The following CLVS1 variants were observed in gnomAD, a reference collection of about 807,000 sequenced individuals.
CLVS1 encodes the protein clavesin 1, also known as clavesin-1.
CLVS1 carries 10 observed loss-of-function variants against 33.1 expected under a neutral mutation model. The ratio of observed to expected loss-of-function variants is 0.30; its 90% CI spans 0.19 to 0.51. CLVS1 has a LOEUF of 0.51. Ranked by LOEUF, CLVS1 falls within the 20% of genes least tolerant of loss-of-function variation. The pLI, the probability that CLVS1 is intolerant of heterozygous loss-of-function variation, is 0.97. For synonymous variants in CLVS1, 163 were observed against 166.1 expected (o/e 0.98, Z 0.14); for missense variants, 343 against 433.4 (o/e 0.79, Z 1.85).
At position 61,434,514 on chromosome 8, in the gene CLVS1, TA is replaced by T. The variant is rs1816240910; in HGVS notation, c.631-19626del. 2.0e-5 allele frequency among the ~76,000 whole-genome samples: 3 copies of T among 152,256 alleles called. No homozygotes were observed. In the South Asian group the frequency reaches 6.2e-4, roughly 32 times the overall value. On this transcript the variant is annotated intron_variant, in intron 3 of 5. Coordinates refer to ENST00000325897, the MANE Select transcript of CLVS1 (RefSeq NM_173519.3). ...GGTTGGGGTATAGCTTAGTTTTATATATTTTAGGGAGGAGGCATGAGACATC... is the reference window on the plus strand; with the variant it reads ...GGTTGGGGTATAGCTTAGTTTTATATTTTTAGGGAGGAGGCATGAGACATC...
intron 2 of CLVS1, among the ~76,000 whole-genome samples, chr8:61,333,016 G>C (rs1811658823): frequency 6.6e-6 from 1 of 152,118 alleles, no homozygotes; most frequent in Non-Finnish European, 1.5e-5. Context: ...CATATGTTTT[G>C]TTTCCATTTT....
chr8:60,965,041 C>CT, the CLVS1 span, among the ~76,000 whole-genome samples: 4 of 151,154 alleles, frequency 2.6e-5, no homozygotes, highest in East Asian at 1.9e-4. Flanking sequence ...TTTTCTTTTT[C>CT]TTTTTTTTTG....
At chr8:61,269,028 C>A (rs1451396968) in intron 2 of CLVS1, among the ~76,000 whole-genome samples, 1 of 144,340 alleles carries the variant, frequency 6.9e-6, no homozygotes, top group Non-Finnish European at 1.5e-5. Context: ...TTAATTAGAT[C>A]CCATTTGTCA....
At chr8:61,179,020 C>T (rs1341543482) in intron 2 of CLVS1, among the ~76,000 whole-genome samples, 1 of 152,092 alleles carries the variant, frequency 6.6e-6, no homozygotes, top group Non-Finnish European at 1.5e-5. Flanking sequence ...TGTAAATAGG[C>T]TAAATGCTCC....
intron 5 of CLVS1, among the ~76,000 whole-genome samples, chr8:61,482,012 G>C (rs914400812): frequency 4.6e-5 from 7 of 152,182 alleles, no homozygotes; most frequent in African/African-American, 1.7e-4. Context: ...CCAGAGGAAG[G>C]ATCAGGCAGC....
the CLVS1 span, among the ~76,000 whole-genome samples, chr8:61,005,136 A>G: frequency 6.6e-6 from 1 of 152,218 alleles, no homozygotes; most frequent in African/African-American, 2.4e-5. Flanking sequence ...ACTGACTCCC[A>G]GTGACAACAG....
intron 2 of CLVS1, among the ~76,000 whole-genome samples, chr8:61,186,902 C>T (rs2129301834): frequency 6.6e-6 from 1 of 152,260 alleles, no homozygotes; most frequent in South Asian, 2.1e-4. Flanking sequence ...AGCACCTTCC[C>T]TGAGAGATTT....
intron 2 of CLVS1, among the ~76,000 whole-genome samples, chr8:61,224,365 G>C (rs1207609266): frequency 3.3e-5 from 5 of 152,094 alleles, no homozygotes; most frequent in Admixed American, 3.3e-4. Context: ...AGGGCCTTTT[G>C]TTGTTGTTGA....
chr8:61,072,936 A>G (rs953272354), intron 1 of CLVS1, among the ~76,000 whole-genome samples: 16 of 152,224 alleles, frequency 1.1e-4, no homozygotes, highest in East Asian at 1.9e-4. Context: ...ATTGAAATCT[A>G]TAATCTTTTT....
chr8:61,149,600 G>C (rs970890279), intron 2 of CLVS1, among the ~76,000 whole-genome samples: 1 of 123,958 alleles, frequency 8.1e-6, no homozygotes, highest in Non-Finnish European at 1.7e-5. Context: ...AAAGAAAAAA[G>C]ACAACAGAAA....
At chr8:61,074,596 A>G (rs1038443574) in intron 1 of CLVS1, among the ~76,000 whole-genome samples, 1 of 151,788 alleles carries the variant, frequency 6.6e-6, no homozygotes, top group Admixed American at 6.6e-5. Context: ...TTGCTTTTGT[A>G]GATGAGTAAG....
intron 2 of CLVS1, among the ~76,000 whole-genome samples, chr8:61,160,600 A>C (rs1806733233): frequency 6.8e-6 from 1 of 147,904 alleles, no homozygotes; most frequent in Non-Finnish European, 1.5e-5. Flanking sequence ...AAATTTCTAA[A>C]TTACCTCTTC....
At chr8:61,311,105 A>G (rs1009165303) in intron 2 of CLVS1, among the ~76,000 whole-genome samples, 4 of 152,182 alleles carry the variant, frequency 2.6e-5, no homozygotes, top group South Asian at 2.1e-4. Flanking sequence ...AGAGCCTAAA[A>G]TGCTCAAGAT....
At chr8:61,357,808 T>G (rs1195079704) in intron 2 of CLVS1, among the ~76,000 whole-genome samples, 1 of 152,112 alleles carries the variant, frequency 6.6e-6, no homozygotes, top group African/African-American at 2.4e-5. Context: ...CCACCATCCC[T>G]GGCTTCCCAA....
chr8:61,435,736 G>A (rs988469188), intron 3 of CLVS1, among the ~76,000 whole-genome samples: 2 of 151,878 alleles, frequency 1.3e-5, no homozygotes, highest in Non-Finnish European at 2.9e-5. Context: ...GAGGACTACT[G>A]TCTTGTACAG....
chr8:61,325,396 T>C (rs1386317187), intron 2 of CLVS1, among the ~76,000 whole-genome samples: 1 of 152,184 alleles, frequency 6.6e-6, no homozygotes, highest in Non-Finnish European at 1.5e-5. Context: ...TGAGTAGTGT[T>C]CTATAGAACA....
chr8:61,409,270 G>A (rs898726171), intron 3 of CLVS1, among the ~76,000 whole-genome samples: 11 of 152,168 alleles, frequency 7.2e-5, no homozygotes, highest in African/African-American at 2.6e-4. Context: ...TTTTCCACAA[G>A]GGTAACTTTT....
intron 3 of CLVS1, among the ~76,000 whole-genome samples, chr8:61,413,590 A>G (rs886952533): frequency 6.6e-6 from 1 of 152,188 alleles, no homozygotes; most frequent in Non-Finnish European, 1.5e-5. Context: ...GATTACAAAC[A>G]GCATGCAGTT....
At chr8:61,103,304 C>T (rs1462473123) in intron 1 of CLVS1, among the ~76,000 whole-genome samples, 2 of 152,194 alleles carry the variant, frequency 1.3e-5, no homozygotes, top group Admixed American at 6.5e-5. Context: ...AATGGCCCTA[C>T]TCCAAATGCT....
Sources: gnomAD v4.1 joint callset for allele counts (sites outside exome capture counted in the v4.1 genomes callset) on GRCh38, gnomAD v4.1.1 for gene constraint, MANE v1.5 for transcripts, NCBI Gene and HGNC (gene_info 2026-07-23, HGNC 2026-07-21) for gene names.